CSNK1G1: variants seen among roughly 807,000 people sequenced by gnomAD.
CSNK1G1 encodes casein kinase I isoform gamma-1.
CSNK1G1 carries 22 observed loss-of-function variants against 59.6 expected under a neutral mutation model. The ratio of observed to expected loss-of-function variants is 0.37; its 90% CI spans 0.26 to 0.53. The LOEUF (loss-of-function observed/expected upper bound fraction) is 0.53. Ranked by LOEUF, CSNK1G1 falls within the 20% of genes least tolerant of loss-of-function variation. CSNK1G1 has a pLI of 0.89. For synonymous variants in CSNK1G1, 179 were observed against 177.1 expected (o/e 1.01, Z -0.08); for missense variants, 384 against 519.5 (o/e 0.74, Z 2.54).
chr15:64,236,915 A>G (rs1182568717), intron 4 of CSNK1G1, among the ~76,000 whole-genome samples: 1 of 152,230 alleles, frequency 6.6e-6, no homozygotes, highest in Admixed American at 6.5e-5. Context: ...ATGAATCAAT[A>G]AAGAAAATGT....
chr15:64,205,366 G>A (rs946296840), intron 7 of CSNK1G1, among the ~76,000 whole-genome samples: 2 of 152,140 alleles, frequency 1.3e-5, no homozygotes, highest in African/African-American at 4.8e-5. Flanking sequence ...AAACAGATAA[G>A]TAATTCTACT....
chr15:64,278,019 TATATTA>T (rs1006333509), intron 2 of CSNK1G1, among the ~76,000 whole-genome samples: 417 of 145,850 alleles, frequency 2.9e-3, no homozygotes, highest in Non-Finnish European at 3.9e-3. Context: ...ATTTGAATAA[TATATTA>T]ATATTATTTT....
chr15:64,166,133 C>G lies in CSNK1G1; in HGVS notation c.*5798G>C. 1.8e-6 allele frequency: 1 copy of G among 561,494 alleles called. No homozygotes were observed. The allele number at this position is 561,494 out of a possible 1,614,324, so 34.8% of individuals were successfully genotyped here. A position where few individuals can be genotyped will look rare whatever the true frequency, so the allele number is the denominator to read the frequency against. ...GCATTTAACAATAATCAGACACATCCACACATTAAAACTGATTTCCACTGC... is the reference window on the plus strand; with the variant it reads ...GCATTTAACAATAATCAGACACATCGACACATTAAAACTGATTTCCACTGC... On this transcript the variant is annotated 3_prime_UTR_variant, in exon 12 of 12. Coordinates refer to ENST00000303052, the MANE Select transcript of CSNK1G1 (RefSeq NM_022048.5). This position sits in a 1 kb window ranked among gnomAD's most constrained non-coding sequence, Gnocchi z 4.5.
At chr15:64,194,377 TA>T (rs2082011186) in intron 10 of CSNK1G1, 1 of 151,890 alleles carries the variant, frequency 6.6e-6, no homozygotes, top group Non-Finnish European at 1.5e-5. Context: ...TTTATGAAGA[TA>T]ACTGACTACC....
At chr15:64,183,438 C>T (rs561080723) in intron 10 of CSNK1G1, among the ~76,000 whole-genome samples, 11 of 152,304 alleles carry the variant, frequency 7.2e-5, no homozygotes, top group Admixed American at 3.9e-4. Context: ...TCACAGCATC[C>T]GTTTAATTAT....
intron 2 of CSNK1G1, among the ~76,000 whole-genome samples, chr15:64,292,280 A>G (rs1894786452): frequency 6.6e-6 from 1 of 152,218 alleles, no homozygotes; most frequent in Non-Finnish European, 1.5e-5. Context: ...AGGAAAGAAC[A>G]ATATGCAGAG....
chr15:64,222,975 T>C (rs2082410721), intron 4 of CSNK1G1, among the ~76,000 whole-genome samples: 2 of 152,212 alleles, frequency 1.3e-5, no homozygotes, highest in Admixed American at 1.3e-4. Flanking sequence ...CTGTTTAAAG[T>C]TTCTTAGTTA....
intron 1 of CSNK1G1, among the ~76,000 whole-genome samples, chr15:64,305,772 C>CA (rs55865359): frequency 0.85 from 113,379 of 134,166 alleles, 48,849 homozygotes; most frequent in Non-Finnish European, 0.93. Flanking sequence ...TGTGATATTG[C>CA]AAAAAAAAAA....
chr15:64,337,558 C>T (rs1190617148), intron 1 of CSNK1G1, among the ~76,000 whole-genome samples: 1 of 152,142 alleles, frequency 6.6e-6, no homozygotes, highest in Non-Finnish European at 1.5e-5. Context: ...CGGTCTCAAA[C>T]TCTTAGCCTC....
intron 2 of CSNK1G1, among the ~76,000 whole-genome samples, chr15:64,278,891 T>C (rs1303837708): frequency 1.3e-5 from 2 of 152,158 alleles, no homozygotes; most frequent in African/African-American, 4.8e-5. Flanking sequence ...AACGTTAACC[T>C]ATGTGTTTCA....
intron 4 of CSNK1G1, among the ~76,000 whole-genome samples, chr15:64,249,098 G>A (rs540562534): frequency 6.6e-6 from 1 of 152,148 alleles, no homozygotes; most frequent in Non-Finnish European, 1.5e-5. Flanking sequence ...CTCCAGCCTG[G>A]TGACATAGCA....
At chr15:64,254,370 T>G (rs1370079904) in intron 3 of CSNK1G1, among the ~76,000 whole-genome samples, 1 of 151,228 alleles carries the variant, frequency 6.6e-6, no homozygotes, top group Non-Finnish European at 1.5e-5. Flanking sequence ...TTTTTTTTTT[T>G]GAGACGGAGT....
rs143135079 is a variant in CSNK1G1, at chr15:64,337,290, G to A, written c.-225+18698C>T. ...TCATAGAAACATATGACAAAAAAAT[G>A]AGAGTGAAACTTCATCACCAAAAAA... On this transcript the variant is annotated intron_variant, in intron 1 of 11. Coordinates refer to ENST00000303052, the MANE Select transcript of CSNK1G1 (RefSeq NM_022048.5). Among the ~76,000 whole-genome samples, 101 of 152,206 alleles carry A rather than the reference G, an allele frequency of 6.6e-4. 1 individual carries two copies. In the East Asian group the frequency reaches 0.019, roughly 29 times the overall value.
chr15:64,315,293 G>T (rs1171442390), intron 1 of CSNK1G1, among the ~76,000 whole-genome samples: 1 of 152,182 alleles, frequency 6.6e-6, no homozygotes. Context: ...AGCCTATTAA[G>T]AAAGGCTTTT....
At chr15:64,181,590 A>G in intron 10 of CSNK1G1, 1 of 650,964 alleles carries the variant, frequency 1.5e-6, no homozygotes, top group African/African-American at 1.9e-5. Context: ...AGCATAAATA[A>G]GGGAAGCAGC....
Position 64,240,390 on chromosome 15 carries a change from C to CT in CSNK1G1, c.292+11121dup, listed in dbSNP as rs527851407. Reference sequence around the variant, plus strand: ...GAAAACCTATTTAATGAAATAACAACTGAAAATTTTTCATGTCTAAGGAGA... The same window carrying CT: ...GAAAACCTATTTAATGAAATAACAACTTGAAAATTTTTCATGTCTAAGGAGA... On this transcript the variant is annotated intron_variant, in intron 4 of 11. Transcript: ENST00000303052. Among the ~76,000 whole-genome samples, 248 of 152,212 alleles carry CT rather than the reference C, an allele frequency of 1.6e-3. 2 individuals are homozygous for CT. The highest frequency in any genetic ancestry group is 5.8e-3 in the African/African-American group (239 of 41,534).
intron 4 of CSNK1G1, among the ~76,000 whole-genome samples, chr15:64,229,894 G>A: frequency 2.3e-5 from 1 of 42,694 alleles, no homozygotes; most frequent in South Asian, 8.4e-4. Flanking sequence ...TTTTGGGCAT[G>A]TTTGTAAATT....
intron 4 of CSNK1G1, among the ~76,000 whole-genome samples, chr15:64,221,929 T>C (rs888037887): frequency 6.6e-6 from 1 of 152,166 alleles, no homozygotes; most frequent in African/African-American, 2.4e-5. Context: ...TTACTGAGTA[T>C]ATACCCAAAG....
intron 2 of CSNK1G1, among the ~76,000 whole-genome samples, 182 bp downstream of exon 2, chr15:64,300,137 T>A (rs1895247323): frequency 6.6e-6 from 1 of 152,202 alleles, no homozygotes; most frequent in Non-Finnish European, 1.5e-5. Flanking sequence ...TAAAGAGAGA[T>A]GAGCCTTGGA....
Sources: allele counts gnomAD v4.1 joint callset (sites outside exome capture counted in the v4.1 genomes callset), GRCh38; gene constraint gnomAD v4.1.1; non-coding constraint Gnocchi (gnomAD v3.1); transcripts MANE v1.5; gene names NCBI Gene and HGNC (gene_info 2026-07-23, HGNC 2026-07-21).